HNF4G: variants seen among roughly 807,000 people sequenced by gnomAD.
HNF4G encodes the protein hepatocyte nuclear factor 4-gamma.
In HNF4G, 21 loss-of-function variants were observed where a neutral mutation model predicts 50.9. That is an observed-to-expected ratio of 0.41 (90% confidence interval 0.29 to 0.59). The LOEUF (loss-of-function observed/expected upper bound fraction) is 0.59, where lower values mean the gene tolerates loss of function less well. Among genes scored for constraint, HNF4G ranks in the 20% least tolerant of loss-of-function variants. The probability of loss-of-function intolerance (pLI) is 0.26; values close to 1 mark genes in which losing one functional copy is unlikely to be tolerated. For missense variants in HNF4G, 527 were observed against 559.4 expected (o/e 0.94, Z 0.58); for synonymous variants, 198 against 185.6 (o/e 1.07, Z -0.54).
chr8:75,437,698 TAAA>T (rs202029928), intron 1 of HNF4G, among the ~76,000 whole-genome samples: 1 of 151,278 alleles, frequency 6.6e-6, no homozygotes, highest in African/African-American at 2.4e-5. Flanking sequence ...AAAAATAAAA[TAAA>T]AAAAGAAATG....
At chr8:75,455,414 T>C (rs898105405) in intron 1 of HNF4G, among the ~76,000 whole-genome samples, 4 of 152,196 alleles carry the variant, frequency 2.6e-5, no homozygotes, top group African/African-American at 7.2e-5. Context: ...CATAAAGTGT[T>C]GGTATCTTTA....
In HNF4G at chr8:75,416,757, C is replaced by T. The variant is rs1343609348; in HGVS notation, c.-144+8595C>T. ...CACAGATAAACCTAGAAGGCTTGAG[C>T]TTCTTTTAAAATAAATTTGCATAAT... On this transcript the variant is annotated intron_variant, in intron 1 of 10. Coordinates refer to the HNF4G transcript ENST00000354370. 3.3e-5 allele frequency among the ~76,000 whole-genome samples: 5 copies of T among 152,148 alleles called. No homozygotes were observed. In the East Asian group the frequency reaches 9.6e-4, roughly 29 times the overall value.
intron 1 of HNF4G, among the ~76,000 whole-genome samples, chr8:75,416,758 T>G (rs1169018707): frequency 6.6e-6 from 1 of 152,228 alleles, no homozygotes; most frequent in Non-Finnish European, 1.5e-5. Context: ...AGGCTTGAGC[T>G]TCTTTTAAAA....
At chr8:75,527,529 A>G (rs1255356520) in intron 2 of HNF4G, among the ~76,000 whole-genome samples, 1 of 152,204 alleles carries the variant, frequency 6.6e-6, no homozygotes, top group Non-Finnish European at 1.5e-5. Flanking sequence ...AAACATATAT[A>G]TACACAGACA....
intron 2 of HNF4G, among the ~76,000 whole-genome samples, chr8:75,546,262 C>T (rs572817891): frequency 6.6e-6 from 1 of 152,078 alleles, no homozygotes. Context: ...TGTGCAAGTC[C>T]TTCTCTTTAT....
At chr8:75,531,688 A>C (rs113583003) in intron 2 of HNF4G, among the ~76,000 whole-genome samples, 1,704 of 152,220 alleles carry the variant, frequency 0.011, 41 homozygotes, top group African/African-American at 0.039. Flanking sequence ...AAATAATAAA[A>C]TAATACAAAT....
intron 1 of HNF4G, among the ~76,000 whole-genome samples, chr8:75,415,533 T>C (rs559478340): frequency 1.3e-5 from 2 of 152,332 alleles, no homozygotes; most frequent in South Asian, 4.1e-4. Context: ...TAGACTCTTT[T>C]TGTGAGCACC....
intron 1 of HNF4G, among the ~76,000 whole-genome samples, chr8:75,411,882 G>A: frequency 6.6e-6 from 1 of 152,088 alleles, no homozygotes; most frequent in East Asian, 1.9e-4. Flanking sequence ...CCATATAATT[G>A]GTAGGGTAAT....
intron 2 of HNF4G, among the ~76,000 whole-genome samples, chr8:75,503,658 C>T (rs1812990095): frequency 6.6e-6 from 1 of 152,180 alleles, no homozygotes; most frequent in South Asian, 2.1e-4. Flanking sequence ...TATAAATACC[C>T]TTACTCTCTT....
chr8:75,420,543 T>C (rs1444171816), intron 1 of HNF4G, among the ~76,000 whole-genome samples: 1 of 152,204 alleles, frequency 6.6e-6, no homozygotes, highest in Non-Finnish European at 1.5e-5. Flanking sequence ...AGTCAAGCTG[T>C]TTTTTATCCC....
At chr8:75,533,254 T>C (rs995068216) in intron 2 of HNF4G, among the ~76,000 whole-genome samples, 1 of 152,050 alleles carries the variant, frequency 6.6e-6, no homozygotes, top group African/African-American at 2.4e-5. Context: ...GTCTTTGCCT[T>C]CATAGAACTT....
At chr8:75,511,735 C>T (rs560657220) in intron 2 of HNF4G, among the ~76,000 whole-genome samples, 14 of 152,308 alleles carry the variant, frequency 9.2e-5, no homozygotes, top group Middle Eastern at 3.4e-3. Flanking sequence ...GGACTACAGG[C>T]GTCTGTCACT....
chr8:75,447,413 A>G (rs1811448079), intron 1 of HNF4G, among the ~76,000 whole-genome samples: 1 of 133,952 alleles, frequency 7.5e-6, no homozygotes, highest in Admixed American at 7.6e-5. Flanking sequence ...AATGGCAACA[A>G]AAGACAAAAT....
At chr8:75,449,418 C>T (rs1363815047) in intron 1 of HNF4G, among the ~76,000 whole-genome samples, 1 of 151,768 alleles carries the variant, frequency 6.6e-6, no homozygotes, top group Non-Finnish European at 1.5e-5. Flanking sequence ...TGGTGTACTA[C>T]ATGATGTCTT....
At chr8:75,519,395 C>T (rs1189060793) in intron 2 of HNF4G, among the ~76,000 whole-genome samples, 1 of 152,228 alleles carries the variant, frequency 6.6e-6, no homozygotes, top group Non-Finnish European at 1.5e-5. Context: ...GTCAGTTCTA[C>T]ATTTCAGGTG....
intron 2 of HNF4G, among the ~76,000 whole-genome samples, chr8:75,512,463 T>TATG (rs921038861): frequency 6.7e-6 from 1 of 149,484 alleles, no homozygotes; most frequent in African/African-American, 2.5e-5. Flanking sequence ...TTATTATTAT[T>TATG]ATTATTATTG....
intron 1 of HNF4G, among the ~76,000 whole-genome samples, chr8:75,427,346 G>A (rs900878988): frequency 6.6e-6 from 1 of 152,198 alleles, no homozygotes; most frequent in Non-Finnish European, 1.5e-5. Flanking sequence ...GGAAGGCTGA[G>A]GCGGGTGGAT....
chr8:75,504,311 A>G (rs1247466213), intron 2 of HNF4G, among the ~76,000 whole-genome samples: 1 of 151,942 alleles, frequency 6.6e-6, no homozygotes, highest in Non-Finnish European at 1.5e-5. Flanking sequence ...GGATATGATC[A>G]GGGAAGAAAA....
intron 1 of HNF4G, among the ~76,000 whole-genome samples, chr8:75,468,411 T>TA (rs1186903589): frequency 6.6e-6 from 1 of 152,122 alleles, no homozygotes; most frequent in Non-Finnish European, 1.5e-5. Context: ...AAAATATATG[T>TA]AGGGCTGGGC....
Sources: gnomAD v4.1 joint callset for allele counts (sites outside exome capture counted in the v4.1 genomes callset) on GRCh38, gnomAD v4.1.1 for gene constraint, MANE v1.5 for transcripts, NCBI Gene and HGNC (gene_info 2026-07-23, HGNC 2026-07-21) for gene names.